The following MACROD2 variants were observed in gnomAD, a reference collection of about 807,000 sequenced individuals.
MACROD2 encodes ADP-ribose glycohydrolase MACROD2.
Under a neutral mutation model 70.4 loss-of-function variants are expected in MACROD2, and 36 were observed. The ratio of observed to expected loss-of-function variants is 0.51; its 90% CI spans 0.39 to 0.68. The LOEUF (loss-of-function observed/expected upper bound fraction) is 0.68. Among genes scored for constraint, MACROD2 ranks in the 30% least tolerant of loss-of-function variants. The probability of loss-of-function intolerance (pLI) is 0.00; values close to 1 mark genes in which losing one functional copy is unlikely to be tolerated. For synonymous variants in MACROD2, 172 were observed against 178.8 expected (o/e 0.96, Z 0.30); for missense variants, 496 against 538.4 (o/e 0.92, Z 0.78).
chr20:15,942,541 T>C (rs1219182225), intron 12 of MACROD2, among the ~76,000 whole-genome samples: 5 of 152,216 alleles, frequency 3.3e-5, no homozygotes, highest in Non-Finnish European at 7.3e-5. Flanking sequence ...GTTGATTTAA[T>C]GGTAGTTTGC....
intron 5 of MACROD2, among the ~76,000 whole-genome samples, chr20:15,171,395 CTCTT>C (rs1474907257): frequency 6.6e-6 from 1 of 150,792 alleles, no homozygotes; most frequent in Middle Eastern, 3.4e-3. Context: ...CCTTGTGTCT[CTCTT>C]TCTCCATTTC....
At chr20:14,078,537 C>G (rs1386598589) in intron 2 of MACROD2, among the ~76,000 whole-genome samples, 1 of 151,676 alleles carries the variant, frequency 6.6e-6, no homozygotes, top group African/African-American at 2.4e-5. Flanking sequence ...CTCCCGAGTA[C>G]CTGGGATTAC....
At chr20:15,492,709 A>T (rs2047247429) in intron 7 of MACROD2, among the ~76,000 whole-genome samples, 1 of 152,230 alleles carries the variant, frequency 6.6e-6, no homozygotes, top group South Asian at 2.1e-4. Flanking sequence ...CACGTTTGAT[A>T]ACTTCATAAT....
chr20:15,242,938 G>A (rs1846132129), intron 6 of MACROD2, among the ~76,000 whole-genome samples: 1 of 152,154 alleles, frequency 6.6e-6, no homozygotes, highest in Non-Finnish European at 1.5e-5. Flanking sequence ...TGGGCAGAGG[G>A]AGAAGTCACG....
chr20:14,152,361 A>G (rs747423696), intron 3 of MACROD2, among the ~76,000 whole-genome samples: 3 of 152,150 alleles, frequency 2.0e-5, no homozygotes, highest in Non-Finnish European at 2.9e-5. Context: ...TGCTTTGAAT[A>G]AATTAAATCA....
intron 5 of MACROD2, among the ~76,000 whole-genome samples, chr20:15,058,219 A>C (rs1246742391): frequency 6.6e-6 from 1 of 152,194 alleles, no homozygotes; most frequent in Non-Finnish European, 1.5e-5. Flanking sequence ...AAAAAAGGTT[A>C]AAGGGGGACA....
At chr20:15,588,602 G>A (rs571348627) in intron 8 of MACROD2, among the ~76,000 whole-genome samples, 3 of 151,986 alleles carry the variant, frequency 2.0e-5, no homozygotes, top group African/African-American at 4.8e-5. Context: ...ATGCTTTTTT[G>A]CCTAGAAATT....
At chr20:15,586,084 G>A (rs529379319) in intron 8 of MACROD2, among the ~76,000 whole-genome samples, 2 of 152,300 alleles carry the variant, frequency 1.3e-5, no homozygotes, top group African/African-American at 4.8e-5. Flanking sequence ...TTGAATGTCA[G>A]TTATGGCTTT....
chr20:15,221,418 C>G (rs1177075124), intron 5 of MACROD2, among the ~76,000 whole-genome samples: 4 of 152,128 alleles, frequency 2.6e-5, no homozygotes, highest in African/African-American at 4.8e-5. Context: ...ATTCAGCTTC[C>G]CACATTTCCT....
chr20:14,562,877 G>A (rs1979532742), intron 4 of MACROD2, among the ~76,000 whole-genome samples: 1 of 151,726 alleles, frequency 6.6e-6, no homozygotes, highest in Non-Finnish European at 1.5e-5. Context: ...CTCTTCTGGG[G>A]ATATGCTAGA....
intron 4 of MACROD2, among the ~76,000 whole-genome samples, chr20:14,617,724 A>G (rs1983562854): frequency 6.6e-6 from 1 of 152,136 alleles, no homozygotes; most frequent in East Asian, 1.9e-4. Flanking sequence ...TTTTAATGCT[A>G]CTTTCCTTAC....
intron 8 of MACROD2, among the ~76,000 whole-genome samples, chr20:15,577,181 ATCAC>A (rs1410679888): frequency 6.6e-6 from 1 of 152,046 alleles, no homozygotes; most frequent in Non-Finnish European, 1.5e-5. Context: ...TTCAGAAGCA[ATCAC>A]TCTTTTTTTT....
intron 10 of MACROD2, among the ~76,000 whole-genome samples, chr20:15,922,344 C>G (rs570457109): frequency 6.6e-6 from 1 of 152,338 alleles, no homozygotes; most frequent in South Asian, 2.1e-4. Flanking sequence ...AATTTTAACA[C>G]TATATTTTAC....
chr20:15,149,929 A>G lies in MACROD2; in HGVS notation c.419-80011A>G, dbSNP rs1422603463. ...TGAGTGGGGAAAGGATTTAGGATCT[A>G]TGGGGTCAGCTAGGTTTCCTTTTGT... On this transcript the variant is annotated intron_variant, in intron 5 of 17. Transcript: ENST00000684519. Among the ~76,000 whole-genome samples the G allele has an allele frequency of 3.3e-5, 5 of 152,026 alleles. No homozygotes were observed. In the East Asian group the frequency reaches 5.8e-4, roughly 18 times the overall value.
At chr20:15,179,593 G>A (rs555336292) in intron 5 of MACROD2, among the ~76,000 whole-genome samples, 2 of 152,174 alleles carry the variant, frequency 1.3e-5, no homozygotes, top group Non-Finnish European at 2.9e-5. Context: ...TCTAAATAAA[G>A]GAAAGTGGCC....
chr20:14,217,135 C>T (rs1304030368), intron 3 of MACROD2, among the ~76,000 whole-genome samples: 3 of 152,094 alleles, frequency 2.0e-5, no homozygotes, highest in African/African-American at 7.2e-5. Context: ...ATTTTGTTGG[C>T]TGTGGGTTTG....
At chr20:14,825,825 C>T (rs968107778) in intron 5 of MACROD2, among the ~76,000 whole-genome samples, 12 of 152,100 alleles carry the variant, frequency 7.9e-5, no homozygotes, top group African/African-American at 2.4e-4. Context: ...GGAGAGCATC[C>T]GTTGTGTTAA....
At chr20:15,858,208 T>C (rs184143291) in intron 8 of MACROD2, among the ~76,000 whole-genome samples, 14 of 152,276 alleles carry the variant, frequency 9.2e-5, no homozygotes. Flanking sequence ...ATGATCACTT[T>C]ATATCTGATG....
At chr20:14,569,481 G>A (rs1260069367) in intron 4 of MACROD2, among the ~76,000 whole-genome samples, 1 of 151,894 alleles carries the variant, frequency 6.6e-6, no homozygotes, top group Non-Finnish European at 1.5e-5. Flanking sequence ...GTATTCCTGT[G>A]TGCCTATTCA....
Sources: gnomAD v4.1 joint callset for allele counts (sites outside exome capture counted in the v4.1 genomes callset) on GRCh38, gnomAD v4.1.1 for gene constraint, MANE v1.5 for transcripts, NCBI Gene and HGNC (gene_info 2026-07-23, HGNC 2026-07-21) for gene names.